TAOK1: variants seen among roughly 807,000 people sequenced by gnomAD.
TAOK1 encodes serine/threonine-protein kinase TAO1.
A neutral mutation model predicts 138.3 loss-of-function variants in TAOK1; 21 were observed. The ratio of observed to expected loss-of-function variants is 0.15; its 90% CI spans 0.11 to 0.22. TAOK1 has a LOEUF of 0.22. Ranked by LOEUF, TAOK1 falls within the 10% of genes least tolerant of loss-of-function variation. TAOK1 has a pLI of 1.00. For missense variants in TAOK1, 651 were observed against 1,227.7 expected (o/e 0.53, Z 7.02); for synonymous variants, 361 against 398.4 (o/e 0.91, Z 1.12).
At position 29,547,290 on chromosome 17, in the gene TAOK1, T is replaced by C. The variant is rs2032417432; in HGVS notation, c.*4268T>C. 1 of 152,110 alleles carries C rather than the reference T, an allele frequency of 6.6e-6. No individual in the cohort carries two copies. Among genetic ancestry groups the C allele is most frequent in the Non-Finnish European group, 1.5e-5 (1 of 67,994 alleles). 9.4% of individuals were successfully genotyped at this position (152,110 alleles called of 1,614,324 possible). On this transcript the variant is annotated 3_prime_UTR_variant, in exon 20 of 20. Transcript: ENST00000261716. The stretch of plus-strand genomic sequence containing the variant: ...CAAGAAAGGAATTACTGCTAAAGCA[T>C]CTAAGATTCTCCTGAACTGTAAAAT...
chr17:29,506,096 A>G (rs1422529179), intron 13 of TAOK1, among the ~76,000 whole-genome samples: 1 of 152,226 alleles, frequency 6.6e-6, no homozygotes, highest in Non-Finnish European at 1.5e-5. Flanking sequence ...CATATGATCC[A>G]GTAATTCCAC....
At chr17:29,489,884 G>C in intron 9 of TAOK1, 127 bp downstream of exon 9, 3 of 516,830 alleles carry the variant, frequency 5.8e-6, no homozygotes, top group Non-Finnish European at 9.5e-6. Context: ...TAAAATAGAT[G>C]TATTTTACCC....
intron 1 of TAOK1, among the ~76,000 whole-genome samples, chr17:29,447,562 C>T (rs1228191493): frequency 6.6e-6 from 1 of 152,078 alleles, no homozygotes; most frequent in Non-Finnish European, 1.5e-5. Context: ...TGGTCTCAAG[C>T]TCCTGACCTC....
intron 7 of TAOK1, among the ~76,000 whole-genome samples, chr17:29,481,386 G>A (rs2031059271): frequency 6.6e-6 from 1 of 151,616 alleles, no homozygotes; most frequent in Non-Finnish European, 1.5e-5. Flanking sequence ...TAGAGATGGG[G>A]TTTCACCATG....
At chr17:29,537,299 A>G (rs1421285943) in intron 19 of TAOK1, among the ~76,000 whole-genome samples, 2 of 152,180 alleles carry the variant, frequency 1.3e-5, no homozygotes, top group African/African-American at 4.8e-5. Context: ...ACTTTTATAC[A>G]GTGTTAATAC....
chr17:29,435,402 T>A (rs1001059452), intron 1 of TAOK1, among the ~76,000 whole-genome samples: 1 of 152,236 alleles, frequency 6.6e-6, no homozygotes, highest in Non-Finnish European at 1.5e-5. Flanking sequence ...AGCCCTATAC[T>A]TGACCTGATT....
At chr17:29,480,194 T>C (rs928589185) in intron 6 of TAOK1, 174 bp from the exon 7 acceptor site, 2 of 398,486 alleles carry the variant, frequency 5.0e-6, no homozygotes, top group Non-Finnish European at 8.8e-6. Flanking sequence ...TTCTGTAGTT[T>C]TTTGTTTTCT....
At chr17:29,391,777 A>C (rs1904439510) in intron 1 of TAOK1, among the ~76,000 whole-genome samples, 1 of 152,114 alleles carries the variant, frequency 6.6e-6, no homozygotes, top group Admixed American at 6.5e-5. Context: ...CTCCTGTTAG[A>C]ACAGTTTTGA....
chr17:29,425,830 CTTATT>C (rs928353850), intron 1 of TAOK1, among the ~76,000 whole-genome samples: 2 of 152,206 alleles, frequency 1.3e-5, no homozygotes, highest in African/African-American at 2.4e-5. Context: ...TAAAATTTCT[CTTATT>C]TTAATGCATT....
intron 2 of TAOK1, 120 bp downstream of exon 2, chr17:29,451,800 G>T (rs779860554): frequency 1.8e-5 from 22 of 1,212,952 alleles, no homozygotes; most frequent in Non-Finnish European, 2.5e-5. Context: ...ACTTGCATAG[G>T]GGGAAGAGAG....
chr17:29,431,413 A>G (rs548657249), intron 1 of TAOK1, among the ~76,000 whole-genome samples: 2 of 152,066 alleles, frequency 1.3e-5, no homozygotes, highest in African/African-American at 4.8e-5. Context: ...CTGCACTCCA[A>G]CCCGGGCAAC....
chr17:29,513,449 ACTT>A (rs1208857455), intron 15 of TAOK1: 1 of 152,240 alleles, frequency 6.6e-6, no homozygotes, highest in Non-Finnish European at 1.5e-5. Flanking sequence ...GTGAAATCAG[ACTT>A]TAGCTTTATG....
Position 29,508,079 on chromosome 17 carries a change from G to T in TAOK1, c.1522G>T (p.Ala508Ser). Residue 508 changes from alanine to serine, a missense_variant, in exon 14 of 20, where the codon GCT becomes TCT. This residue lies in a region of TAOK1 where 258 missense variants were observed against 548.9 expected (regional missense o/e 0.47). Coordinates refer to ENST00000261716, the MANE Select transcript of TAOK1 (RefSeq NM_020791.4). ...KDLETQRNNF[A>S]AEMEKLIKKH... Reference sequence around the variant, plus strand: ...TCTTGAAACTCAGCGTAACAATTTTGCTGCAGAAATGGAGAAACTTATCAA... The same window carrying T: ...TCTTGAAACTCAGCGTAACAATTTTTCTGCAGAAATGGAGAAACTTATCAA... 6.2e-7 allele frequency: 1 copy of T among 1,614,126 alleles called. No individual in the cohort carries two copies. Among genetic ancestry groups the T allele is most frequent in the Non-Finnish European group, 8.5e-7 (1 of 1,179,992 alleles).
Position 29,543,047 on chromosome 17 carries a change from C to T in TAOK1, c.*25C>T, listed in dbSNP as rs139171312. ...ACTTAATAATTGAGAGTGGCAATTCCGCTGGAGCTGTCTGCCAAAAGAAAC... is the reference window on the plus strand; with the variant it reads ...ACTTAATAATTGAGAGTGGCAATTCTGCTGGAGCTGTCTGCCAAAAGAAAC... On this transcript the variant is annotated 3_prime_UTR_variant, in exon 20 of 20. Transcript: ENST00000261716. The T allele has an allele frequency of 7.6e-3, 11,389 of 1,505,848 alleles. 54 individuals carry two copies. Among genetic ancestry groups the T allele is most frequent in the Non-Finnish European group, 8.5e-3 (9,451 of 1,117,810 alleles). The allele number at this position is 1,505,848 out of a possible 1,614,324, so 93.3% of individuals were successfully genotyped here.
intron 1 of TAOK1, among the ~76,000 whole-genome samples, chr17:29,417,942 G>A (rs559881356): frequency 6.6e-6 from 1 of 152,240 alleles, no homozygotes; most frequent in African/African-American, 2.4e-5. Flanking sequence ...GGCTGCAGTA[G>A]AGTGGCGTGA....
chr17:29,517,806 T>C lies in TAOK1; in HGVS notation c.1908+150T>C, dbSNP rs1372643091. ...CCAGATATTCACATGGATTGTTTGC[T>C]CCCTGTATATCTTTACTCAGATGTC... is the stretch of plus-strand genomic sequence containing the variant. On this transcript the variant is annotated intron_variant, in intron 16 of 19. Coordinates refer to ENST00000261716, the MANE Select transcript of TAOK1 (RefSeq NM_020791.4). 2.0e-5 allele frequency: 16 copies of C among 785,944 alleles called. No individual in the cohort carries two copies. The East Asian group carries it at 4.4e-4, about 22-fold the overall frequency. The allele number at this position is 785,944 out of a possible 1,614,324, so 48.7% of individuals were successfully genotyped here.
intron 6 of TAOK1, 187 bp from the exon 7 acceptor site, chr17:29,480,181 G>T: frequency 2.6e-6 from 1 of 377,790 alleles, no homozygotes; most frequent in Admixed American, 4.5e-5. Flanking sequence ...ATGTTTATTT[G>T]AATTCTGTAG....
chr17:29,542,446 T>C (rs778032872), intron 19 of TAOK1, 115 bp from the exon 20 acceptor site: 3 of 847,586 alleles, frequency 3.5e-6, no homozygotes, highest in East Asian at 2.9e-5. Context: ...TTGAAACTCA[T>C]GGACAAATAT....
At chr17:29,462,063 C>A (rs2153025175) in intron 2 of TAOK1, among the ~76,000 whole-genome samples, 2 of 152,302 alleles carry the variant, frequency 1.3e-5, no homozygotes, top group African/African-American at 4.8e-5. Flanking sequence ...CACTCCATGA[C>A]AGGATGAAAT....
Sources: gnomAD v4.1 joint callset for allele counts (sites outside exome capture counted in the v4.1 genomes callset) on GRCh38, gnomAD v4.1.1 for gene constraint, gnomAD v4.1.1 regional missense constraint, MANE v1.5 for transcripts, NCBI Gene and HGNC (gene_info 2026-07-23, HGNC 2026-07-21) for gene names.